The following FGF2 variants were observed in gnomAD, a reference collection of about 807,000 sequenced individuals.
FGF2 encodes basic fibroblast growth factor bFGF.
FGF2 carries 13 observed loss-of-function variants against 15.9 expected under a neutral mutation model. The ratio of observed to expected loss-of-function variants is 0.82; its 90% CI spans 0.53 to 1.30. FGF2 has a LOEUF of 1.30. Ranked by LOEUF, FGF2 falls within the 50% of genes most tolerant of loss-of-function variation. The probability of loss-of-function intolerance (pLI) is 0.00; values close to 1 mark genes in which losing one functional copy is unlikely to be tolerated. For missense variants in FGF2, 163 were observed against 196.9 expected (o/e 0.83, Z 1.03); for synonymous variants, 90 against 78.4 (o/e 1.15, Z -0.78).
chr4:122,864,974 G>GT (rs1214186107), intron 1 of FGF2, among the ~76,000 whole-genome samples: 8 of 152,178 alleles, frequency 5.3e-5, no homozygotes, highest in African/African-American at 1.9e-4. Flanking sequence ...GCATGTGGAA[G>GT]TAAAATATCA....
intron 1 of FGF2, among the ~76,000 whole-genome samples, chr4:122,847,603 C>CCCTATCTA (rs1726138588): frequency 7.0e-6 from 1 of 141,920 alleles, no homozygotes; most frequent in Non-Finnish European, 1.5e-5. Context: ...TAGGAGATCA[C>CCCTATCTA]TCTATCTATC....
intron 1 of FGF2, among the ~76,000 whole-genome samples, chr4:122,857,378 T>C (rs889144358): frequency 6.6e-6 from 1 of 152,216 alleles, no homozygotes; most frequent in African/African-American, 2.4e-5. Flanking sequence ...GAAGCTTATC[T>C]TTGCTGCTGT....
chr4:122,834,351 T>C (rs186798947), intron 1 of FGF2, among the ~76,000 whole-genome samples: 6 of 152,380 alleles, frequency 3.9e-5, no homozygotes, highest in Non-Finnish European at 8.8e-5. Context: ...TTTTTCATTC[T>C]TATTTTCTTT....
intron 2 of FGF2, among the ~76,000 whole-genome samples, chr4:122,889,424 T>G (rs552800910): frequency 6.6e-6 from 1 of 152,258 alleles, no homozygotes; most frequent in African/African-American, 2.4e-5. Flanking sequence ...AATATGTTTA[T>G]AAAGATTAAT....
intron 1 of FGF2, among the ~76,000 whole-genome samples, chr4:122,865,429 T>G (rs879896206): frequency 3.9e-5 from 6 of 152,196 alleles, no homozygotes; most frequent in Admixed American, 1.3e-4. Flanking sequence ...TAGCTGGGAT[T>G]ACAGGCGCAT....
At chr4:122,832,203 G>A (rs1372279789) in intron 1 of FGF2, among the ~76,000 whole-genome samples, 1 of 152,182 alleles carries the variant, frequency 6.6e-6, no homozygotes, top group Non-Finnish European at 1.5e-5. Flanking sequence ...TGGGATAAAA[G>A]TCTATGACCA....
At chr4:122,862,965 G>A (rs1382996081) in intron 1 of FGF2, among the ~76,000 whole-genome samples, 2 of 152,142 alleles carry the variant, frequency 1.3e-5, no homozygotes, top group Non-Finnish European at 2.9e-5. Flanking sequence ...AATGAGCTGG[G>A]TTAAGTCAGT....
chr4:122,838,196 C>A (rs2150764436), intron 1 of FGF2, among the ~76,000 whole-genome samples: 1 of 152,050 alleles, frequency 6.6e-6, no homozygotes, highest in Non-Finnish European at 1.5e-5. Flanking sequence ...GTATGAAAGC[C>A]CTGAAGTATT....
In FGF2 at chr4:122,893,072, A is replaced by G. The variant is rs781553867; in HGVS notation, c.*676A>G. On this transcript the variant is annotated 3_prime_UTR_variant, in exon 3 of 3. Coordinates refer to ENST00000644866, the MANE Select transcript of FGF2 (RefSeq NM_001361665.2). ...TAAGCATTCTTCCTGGCAAAAATTT[A>G]TGGTGAATGAATATGGCTTTAGGCG... 6.2e-7 allele frequency: 1 copy of G among 1,614,184 alleles called. No individual in the cohort carries two copies. The highest frequency in any genetic ancestry group is 1.1e-5 in the South Asian group (1 of 91,080).
In FGF2 at chr4:122,893,254, A is replaced by G. The variant is rs1400332181; in HGVS notation, c.*858A>G. 3.9e-6 allele frequency: 6 copies of G among 1,549,148 alleles called. No individual in the cohort carries two copies. Among genetic ancestry groups the G allele is most frequent in the African/African-American group, 2.8e-5 (2 of 72,354 alleles). ...CGTAAAAAAAGAGATGTACAAATCA[A>G]TAATAATTACACTTTTAGAAACTGT... On this transcript the variant is annotated 3_prime_UTR_variant, in exon 3 of 3. Coordinates refer to ENST00000644866, the MANE Select transcript of FGF2 (RefSeq NM_001361665.2).
chr4:122,857,995 G>A (rs1366193333), intron 1 of FGF2, among the ~76,000 whole-genome samples: 1 of 152,184 alleles, frequency 6.6e-6, no homozygotes, highest in South Asian at 2.1e-4. Flanking sequence ...TGATTGGGTA[G>A]TAATGAAGGA....
intron 1 of FGF2, among the ~76,000 whole-genome samples, chr4:122,828,835 TC>T (rs33941144): frequency 0.13 from 19,233 of 152,174 alleles, 1,507 homozygotes; most frequent in South Asian, 0.24. Context: ...TAACTTGAAC[TC>T]ATCTATTTCA....
chr4:122,891,275 C>T lies in FGF2; in HGVS notation c.283-936C>T, dbSNP rs559071740. ...CAAGATGGTCTCGATCTCCTGACCT[C>T]GTGATCCGCCCGTCTCGGCCTCCCA... On this transcript the variant is annotated intron_variant, in intron 2 of 2. Transcript: ENST00000644866. 1.4e-4 allele frequency among the ~76,000 whole-genome samples: 22 copies of T among 151,888 alleles called. 1 individual carries two copies. In the South Asian group the frequency reaches 2.1e-3, roughly 14 times the overall value.
At chr4:122,861,217 A>G (rs1044103506) in intron 1 of FGF2, among the ~76,000 whole-genome samples, 2 of 152,186 alleles carry the variant, frequency 1.3e-5, no homozygotes, top group Non-Finnish European at 2.9e-5. Context: ...CTGCACTCCC[A>G]AGGCAGCCAC....
intron 1 of FGF2, among the ~76,000 whole-genome samples, chr4:122,838,353 A>G (rs1337997799): frequency 5.9e-5 from 9 of 152,212 alleles, no homozygotes; most frequent in Admixed American, 5.9e-4. Context: ...TTTACCAAGT[A>G]CTTATTGAAT....
chr4:122,897,983 T>A lies in FGF2; in HGVS notation c.*5587T>A. On this transcript the variant is annotated 3_prime_UTR_variant, in exon 3 of 3. Coordinates refer to ENST00000644866, the MANE Select transcript of FGF2 (RefSeq NM_001361665.2). ...GGAAACATCTACTGAATTTCTGTAA[T>A]TTAAAATATTTTGCTGCTAGTTAAC... The A allele has an allele frequency of 3.8e-6, 1 of 265,478 alleles. No homozygotes were observed. Among genetic ancestry groups the A allele is most frequent in the Non-Finnish European group, 7.1e-6 (1 of 140,980 alleles). 16.4% of individuals were successfully genotyped at this position (265,478 alleles called of 1,614,324 possible).
chr4:122,888,735 G>A (rs1727108038), intron 2 of FGF2: 1 of 152,178 alleles, frequency 6.6e-6, no homozygotes, highest in African/African-American at 2.4e-5. Flanking sequence ...AGCCTACTGT[G>A]ACCATGCTAT....
At position 122,827,364 on chromosome 4, in the gene FGF2, C is replaced by T. The variant is rs1725664719; in HGVS notation, c.178+12C>T. 6.2e-7 allele frequency: 1 copy of T among 1,612,576 alleles called. No individual in the cohort carries two copies. Among genetic ancestry groups the T allele is most frequent in the Non-Finnish European group, 8.5e-7 (1 of 1,179,734 alleles). On this transcript the variant is annotated intron_variant, in intron 1 of 2. Coordinates refer to ENST00000644866, the MANE Select transcript of FGF2 (RefSeq NM_001361665.2). The surrounding 1 kb of genome is among the most constrained non-coding windows in gnomAD (Gnocchi z 4.2). Reference sequence around the variant, plus strand: ...GAGCGACCCTCACAGTGAGTGCCGACCCGCTCTCTCCGCCTCATTTCCATT... The same window carrying T: ...GAGCGACCCTCACAGTGAGTGCCGATCCGCTCTCTCCGCCTCATTTCCATT...
At chr4:122,892,027 C>G (rs1270816621) in intron 2 of FGF2, among the ~76,000 whole-genome samples, 184 bp from the exon 3 acceptor site, 1 of 152,184 alleles carries the variant, frequency 6.6e-6, no homozygotes, top group Non-Finnish European at 1.5e-5. Context: ...CTGCATCCTT[C>G]TTCAGAACTA....
Sources: gnomAD v4.1 joint callset for allele counts (sites outside exome capture counted in the v4.1 genomes callset) on GRCh38, gnomAD v4.1.1 for gene constraint, Gnocchi (gnomAD v3.1) non-coding constraint, MANE v1.5 for transcripts, NCBI Gene and HGNC (gene_info 2026-07-23, HGNC 2026-07-21) for gene names.